Variants in GALNT13 observed in about 807,000 individuals in gnomAD.
The protein encoded by GALNT13 is polypeptide N-acetylgalactosaminyltransferase 13.
GALNT13 carries 28 observed loss-of-function variants against 64.2 expected under a neutral mutation model. The observed-to-expected ratio is 0.44, with a 90% confidence interval of 0.32 to 0.60. The LOEUF is 0.60. Among genes scored for constraint, GALNT13 ranks in the 20% least tolerant of loss-of-function variants. GALNT13 has a pLI of 0.05. For missense variants in GALNT13, 577 were observed against 669.8 expected, an observed-to-expected ratio of 0.86 and a Z score of 1.53; for synonymous variants, 214 against 224.6, an observed-to-expected ratio of 0.95 and a Z score of 0.42.
the GALNT13 span, among the ~76,000 whole-genome samples, chr2:153,749,293 G>A: frequency 6.6e-6 from 1 of 151,884 alleles, no homozygotes; most frequent in Non-Finnish European, 1.5e-5. Flanking sequence ...TTTTTGCTCA[G>A]CATTGATTGC....
chr2:154,361,219 G>A (rs17206429), intron 9 of GALNT13, among the ~76,000 whole-genome samples: 4,770 of 152,116 alleles, frequency 0.031, 109 homozygotes, highest in South Asian at 0.046. Flanking sequence ...AAGCATAGGG[G>A]CATGTTGTAG....
intron 3 of GALNT13, among the ~76,000 whole-genome samples, chr2:154,085,330 A>G (rs904468510): frequency 5.9e-5 from 9 of 152,022 alleles, no homozygotes; most frequent in Non-Finnish European, 1.3e-4. Context: ...TAATAGAAGC[A>G]GTAAGAGTAA....
At chr2:154,379,498 G>A (rs1293818806) in intron 9 of GALNT13, among the ~76,000 whole-genome samples, 1 of 151,976 alleles carries the variant, frequency 6.6e-6, no homozygotes, top group East Asian at 1.9e-4. Context: ...TTGTCTAATA[G>A]TCTCCTACAT....
the GALNT13 span, among the ~76,000 whole-genome samples, chr2:153,209,531 A>G: frequency 6.6e-6 from 1 of 152,146 alleles, no homozygotes; most frequent in East Asian, 1.9e-4. Flanking sequence ...CTATGTGCTT[A>G]TCTTTATGCC....
chr2:153,630,803 ATATATTTTTTTT>A, the GALNT13 span, among the ~76,000 whole-genome samples: 607 of 17,330 alleles, frequency 0.035, 1 homozygote, highest in Middle Eastern at 0.1. Context: ...ATATATATAT[ATATATTTTTTTT>A]TTTTTTTTTA....
At chr2:153,255,663 TG>T in the GALNT13 span, among the ~76,000 whole-genome samples, 1 of 152,098 alleles carries the variant, frequency 6.6e-6, no homozygotes, top group Non-Finnish European at 1.5e-5. Flanking sequence ...GCAGGCCTGG[TG>T]GTGACAAAAT....
At chr2:153,676,901 G>A in the GALNT13 span, among the ~76,000 whole-genome samples, 3 of 151,786 alleles carry the variant, frequency 2.0e-5, no homozygotes, top group Admixed American at 6.6e-5. Context: ...AACCATCTAC[G>A]AAAAAAACAC....
the GALNT13 span, among the ~76,000 whole-genome samples, chr2:153,787,361 G>A: frequency 6.6e-6 from 1 of 152,146 alleles, no homozygotes; most frequent in Non-Finnish European, 1.5e-5. Context: ...AACCCCCTGT[G>A]AAACCAAATA....
chr2:153,111,891 T>C, the GALNT13 span, among the ~76,000 whole-genome samples: 1 of 152,164 alleles, frequency 6.6e-6, no homozygotes, highest in South Asian at 2.1e-4. Context: ...AAGTTGACTA[T>C]TGCATTGTAA....
intron 3 of GALNT13, among the ~76,000 whole-genome samples, chr2:154,056,621 T>G (rs1165879060): frequency 1.3e-5 from 2 of 152,158 alleles, no homozygotes. Context: ...TGACCTAAAC[T>G]TATAGCTGAT....
chr2:153,427,560 A>G, the GALNT13 span, among the ~76,000 whole-genome samples: 1 of 152,134 alleles, frequency 6.6e-6, no homozygotes, highest in Non-Finnish European at 1.5e-5. Flanking sequence ...TAGCCTTGGG[A>G]AAAAAGATGG....
At chr2:153,088,736 T>C in the GALNT13 span, among the ~76,000 whole-genome samples, 1 of 152,142 alleles carries the variant, frequency 6.6e-6, no homozygotes, top group Non-Finnish European at 1.5e-5. Flanking sequence ...TCCTTGTCTA[T>C]TTTTTACTGT....
chr2:153,094,551 T>G, the GALNT13 span, among the ~76,000 whole-genome samples: 1 of 152,198 alleles, frequency 6.6e-6, no homozygotes, highest in Non-Finnish European at 1.5e-5. Flanking sequence ...AAAGTTCATA[T>G]GGAACCAAAA....
At position 154,401,664 on chromosome 2, in the gene GALNT13, A is replaced by T. The variant is rs528382371; in HGVS notation, c.1296+5534A>T. Among the ~76,000 whole-genome samples, 37 of 152,282 alleles carry T rather than the reference A, an allele frequency of 2.4e-4. No homozygotes were observed. The South Asian group carries it at 7.7e-3, about 32-fold the overall frequency. On this transcript the variant is annotated intron_variant, in intron 10 of 12. Coordinates refer to ENST00000392825, the MANE Select transcript of GALNT13 (RefSeq NM_052917.4). ...TTCTAATTTTATTACTTAAATGTGT[A>T]TTGGCAGAAACAGCTGCAACAAACT...
chr2:153,564,471 G>A, the GALNT13 span, among the ~76,000 whole-genome samples: 1 of 151,934 alleles, frequency 6.6e-6, no homozygotes, highest in African/African-American at 2.4e-5. Context: ...CTTGAGAACC[G>A]CATTGTTTTG....
Position 154,098,091 on chromosome 2 carries a change from T to TTTC in GALNT13, c.143-42244_143-42243insCTT, listed in dbSNP as rs1491506631. Among the ~76,000 whole-genome samples the TTTC allele has an allele frequency of 1.1e-3, 26 of 24,000 alleles. No individual in the cohort carries two copies. In the East Asian group the frequency reaches 0.037, roughly 34 times the overall value. The allele number at this position is 24,000 out of a possible 152,430, so 15.7% of individuals were successfully genotyped here. A position where few individuals can be genotyped will look rare whatever the true frequency, so the allele number is the denominator to read the frequency against. Reference sequence around the variant, plus strand: ...CAGTGTGTTTCTCTGCTTGTCTTTCTTTTTTTTTTTTTTTTGTCAGCAGTT... The same window carrying TTTC: ...CAGTGTGTTTCTCTGCTTGTCTTTCTTTCTTTTTTTTTTTTTTTGTCAGCAGTT... On this transcript the variant is annotated intron_variant, in intron 3 of 12. Coordinates refer to ENST00000392825, the MANE Select transcript of GALNT13 (RefSeq NM_052917.4).
At chr2:154,132,881 C>T (rs1164338488) in intron 3 of GALNT13, among the ~76,000 whole-genome samples, 1 of 116,300 alleles carries the variant, frequency 8.6e-6, no homozygotes, top group African/African-American at 3.4e-5. Context: ...GGTGACAGGG[C>T]AAGACTCTGT....
chr2:154,061,746 T>TA (rs35436222), intron 3 of GALNT13, among the ~76,000 whole-genome samples: 7,642 of 25,042 alleles, frequency 0.31, 379 homozygotes, highest in East Asian at 0.48. Context: ...CAACATGGAA[T>TA]TTTTTTATTT....
At chr2:153,463,657 C>T in the GALNT13 span, among the ~76,000 whole-genome samples, 94 of 152,078 alleles carry the variant, frequency 6.2e-4, no homozygotes, top group African/African-American at 1.9e-3. Context: ...GGAAAAGGAA[C>T]GGAGAACATG....
Sources: allele counts gnomAD v4.1 joint callset (sites outside exome capture counted in the v4.1 genomes callset), GRCh38; gene constraint gnomAD v4.1.1; transcripts MANE v1.5; gene names NCBI Gene and HGNC (gene_info 2026-07-23, HGNC 2026-07-21).